Variants in LRP1B observed in about 807,000 individuals in gnomAD.
LRP1B encodes low-density lipoprotein receptor-related protein 1B.
A neutral mutation model predicts 556.6 loss-of-function variants in LRP1B; 217 were observed. The ratio of observed to expected loss-of-function variants is 0.39; its 90% CI spans 0.35 to 0.44. The LOEUF is 0.44. LRP1B is among the 20% of genes least tolerant of loss of function. LRP1B has a pLI of 1.00. For missense variants in LRP1B, 5,053 were observed against 5,620.8 expected (o/e 0.90, Z 3.23); for synonymous variants, 2,047 against 1,865.8 (o/e 1.10, Z -2.50).
At chr2:140,811,978 C>T (rs182643648) in intron 32 of LRP1B, among the ~76,000 whole-genome samples, 160 of 152,078 alleles carry the variant, frequency 1.1e-3, no homozygotes, top group Non-Finnish European at 1.8e-3. Context: ...CTCTTTTACA[C>T]ATTTAAATTT....
chr2:141,002,578 T>G (rs1428771748), intron 15 of LRP1B, among the ~76,000 whole-genome samples: 1 of 152,058 alleles, frequency 6.6e-6, no homozygotes, highest in Non-Finnish European at 1.5e-5. Flanking sequence ...TTATAATACC[T>G]AATACAAGGC....
intron 31 of LRP1B, among the ~76,000 whole-genome samples, chr2:140,819,110 A>T (rs1256484750): frequency 6.6e-6 from 1 of 152,068 alleles, no homozygotes; most frequent in Non-Finnish European, 1.5e-5. Context: ...CACCATTGTG[A>T]GGTGGTAATG....
At chr2:140,588,281 T>C (rs1469789382) in intron 43 of LRP1B, among the ~76,000 whole-genome samples, 1 of 152,136 alleles carries the variant, frequency 6.6e-6, no homozygotes, top group African/African-American at 2.4e-5. Context: ...GATAATTATA[T>C]TACAAACAGG....
intron 66 of LRP1B, among the ~76,000 whole-genome samples, chr2:140,395,293 C>T (rs1047712783): frequency 1.3e-5 from 2 of 152,192 alleles, no homozygotes; most frequent in African/African-American, 2.4e-5. Flanking sequence ...CAAACCCATG[C>T]TTCCACAGGA....
chr2:140,626,717 A>G (rs920286824), intron 41 of LRP1B, among the ~76,000 whole-genome samples: 5 of 144,482 alleles, frequency 3.5e-5, no homozygotes, highest in Admixed American at 3.4e-4. Context: ...AAAAAAAAAA[A>G]GAGTAAATAA....
At chr2:141,522,057 A>C (rs1267830038) in intron 2 of LRP1B, among the ~76,000 whole-genome samples, 1 of 152,118 alleles carries the variant, frequency 6.6e-6, no homozygotes, top group East Asian at 1.9e-4. Flanking sequence ...AACAGCATAC[A>C]TTACTCTAAA....
At chr2:141,283,708 G>C (rs1685595200) in intron 3 of LRP1B, among the ~76,000 whole-genome samples, 1 of 145,100 alleles carries the variant, frequency 6.9e-6, no homozygotes, top group African/African-American at 2.5e-5. Flanking sequence ...TGATTCTCCT[G>C]CCTCAGCCTC....
intron 41 of LRP1B, among the ~76,000 whole-genome samples, chr2:140,604,807 G>A (rs965289039): frequency 1.3e-5 from 2 of 151,658 alleles, no homozygotes; most frequent in African/African-American, 2.4e-5. Flanking sequence ...ACAGTGGCAG[G>A]TTTTTCCATG....
chr2:141,996,412 TCA>T (rs5834889), intron 1 of LRP1B, among the ~76,000 whole-genome samples: 131,570 of 151,908 alleles, frequency 0.87, 57,072 homozygotes, highest in East Asian at 0.95. Flanking sequence ...TCTACAGATC[TCA>T]GTTACCACAT....
At chr2:140,590,709 G>A (rs1435168199) in intron 43 of LRP1B, among the ~76,000 whole-genome samples, 1 of 151,986 alleles carries the variant, frequency 6.6e-6, no homozygotes, top group Non-Finnish European at 1.5e-5. Context: ...CCTGATGTCA[G>A]AATTCCAGCC....
At chr2:140,275,933 TTCTG>T (rs1184391949) in intron 84 of LRP1B, among the ~76,000 whole-genome samples, 6 of 152,128 alleles carry the variant, frequency 3.9e-5, no homozygotes, top group African/African-American at 1.4e-4. Context: ...GACATTCTGC[TTCTG>T]TCTTTTGAAA....
intron 44 of LRP1B, among the ~76,000 whole-genome samples, chr2:140,541,337 G>T (rs1680126371): frequency 6.6e-6 from 1 of 152,034 alleles, no homozygotes; most frequent in Non-Finnish European, 1.5e-5. Context: ...AACTAGTTCT[G>T]CTAGAAACCA....
intron 1 of LRP1B, among the ~76,000 whole-genome samples, chr2:141,874,084 A>ATTTTT (rs200281267): frequency 1.2e-4 from 12 of 103,140 alleles, no homozygotes; most frequent in South Asian, 3.0e-4. Context: ...TGAACTAACA[A>ATTTTT]TTTTTTTTTT....
At chr2:141,510,426 A>C (rs893455361) in intron 2 of LRP1B, among the ~76,000 whole-genome samples, 1 of 152,138 alleles carries the variant, frequency 6.6e-6, no homozygotes, top group African/African-American at 2.4e-5. Flanking sequence ...CAGCAAAACA[A>C]TGATTTTTTA....
intron 86 of LRP1B, among the ~76,000 whole-genome samples, chr2:140,267,409 T>G (rs1682256318): frequency 6.6e-6 from 1 of 152,004 alleles, no homozygotes; most frequent in African/African-American, 2.4e-5. Flanking sequence ...ATAAAAAATA[T>G]GGCATTGTGT....
At chr2:141,993,459 C>T (rs1702399876) in intron 1 of LRP1B, among the ~76,000 whole-genome samples, 1 of 152,130 alleles carries the variant, frequency 6.6e-6, no homozygotes, top group African/African-American at 2.4e-5. Context: ...AATCTTCTAG[C>T]ATCGGCTCCC....
At chr2:141,471,292 T>G (rs1475467998) in intron 3 of LRP1B, among the ~76,000 whole-genome samples, 2 of 151,550 alleles carry the variant, frequency 1.3e-5, no homozygotes, top group Non-Finnish European at 2.9e-5. Flanking sequence ...TTTTTTTTTT[T>G]TTACTCTCTT....
At chr2:140,879,910 T>A (rs1693420833) in intron 25 of LRP1B, among the ~76,000 whole-genome samples, 1 of 148,376 alleles carries the variant, frequency 6.7e-6, no homozygotes, top group Non-Finnish European at 1.5e-5. Context: ...TTATCACCTA[T>A]CAGATCAAGC....
intron 41 of LRP1B, among the ~76,000 whole-genome samples, chr2:140,673,245 A>C (rs1451908247): frequency 6.6e-6 from 1 of 152,252 alleles, no homozygotes; most frequent in African/African-American, 2.4e-5. Flanking sequence ...TGCTCTATGT[A>C]TAATGGCAGA....
Sources: gnomAD v4.1 joint callset for allele counts (sites outside exome capture counted in the v4.1 genomes callset) on GRCh38, gnomAD v4.1.1 for gene constraint, MANE v1.5 for transcripts, NCBI Gene and HGNC (gene_info 2026-07-23, HGNC 2026-07-21) for gene names.